Variants in DDX60 observed in about 807,000 individuals in gnomAD.
The protein encoded by DDX60 is probable ATP-dependent RNA helicase DDX60.
In DDX60, 165 loss-of-function variants were observed where a neutral mutation model predicts 212.8. That is an observed-to-expected ratio of 0.78 (90% CI 0.68 to 0.88). DDX60 has a LOEUF of 0.88. Ranked by LOEUF, DDX60 falls within the 40% of genes least tolerant of loss-of-function variation. The pLI is 0.00. For synonymous variants in DDX60, 703 were observed against 685.3 expected, an observed-to-expected ratio of 1.03 and a Z score of -0.40; for missense variants, 1,905 against 2,003.9, an observed-to-expected ratio of 0.95 and a Z score of 0.94.
intron 25 of DDX60, 134 bp downstream of exon 25, chr4:168,260,731 C>A: frequency 1.2e-6 from 1 of 805,456 alleles, no homozygotes; most frequent in Non-Finnish European, 2.0e-6. Flanking sequence ...TCACCTCCTG[C>A]TCTGTGGCAC....
intron 23 of DDX60, 88 bp from the exon 24 acceptor site, chr4:168,262,216 C>A (rs2149512114): frequency 7.0e-7 from 1 of 1,424,376 alleles, no homozygotes; most frequent in Non-Finnish European, 9.3e-7. Context: ...AACAGCCTTA[C>A]AAGTTTCTTG....
intron 1 of DDX60, among the ~76,000 whole-genome samples, chr4:168,314,207 C>T (rs1242723443): frequency 6.6e-6 from 1 of 152,114 alleles, no homozygotes; most frequent in Non-Finnish European, 1.5e-5. Context: ...TGCCCCAACA[C>T]ATGCACGCCC....
intron 28 of DDX60, among the ~76,000 whole-genome samples, chr4:168,250,683 G>A (rs978292464): frequency 1.8e-4 from 23 of 128,454 alleles, no homozygotes; most frequent in African/African-American, 5.1e-4. Flanking sequence ...CTGCCACCAC[G>A]CCCGGCTAAT....
At chr4:168,272,725 A>G (rs139054617) in intron 18 of DDX60, among the ~76,000 whole-genome samples, 1 of 152,286 alleles carries the variant, frequency 6.6e-6, no homozygotes, top group East Asian at 1.9e-4. Context: ...ATCTATCTTA[A>G]CCACACTCCC....
At position 168,276,016 on chromosome 4, in the gene DDX60, T is replaced by C. The variant is rs1223824638; in HGVS notation, c.2144A>G (p.Gln715Arg). The C allele has an allele frequency of 6.2e-7, 1 of 1,608,870 alleles. No individual in the cohort carries two copies. Among genetic ancestry groups the C allele is most frequent in the South Asian group, 1.1e-5 (1 of 90,276 alleles). Residue 715 changes from glutamine (Q) to arginine (R), a missense_variant and splice_region_variant, in exon 15 of 38, where the codon CAG (glutamine) becomes CGG (arginine). Gln to Arg is a conservative substitution (Grantham distance 43). Coordinates refer to ENST00000393743, the MANE Select transcript of DDX60 (RefSeq NM_017631.6). The part of the protein sequence containing the change: ...DELASSLHPA[Q>R]DAENDVKVKK... ...ATTGAGCTATTCTGATAATATTACCTGGGCTGGATGTAAAGAACTTGCCAA... is the reference window on the plus strand; with the variant it reads ...ATTGAGCTATTCTGATAATATTACCCGGGCTGGATGTAAAGAACTTGCCAA...
At position 168,236,278 on chromosome 4, in the gene DDX60, C is replaced by G; in HGVS notation, c.4507G>C (p.Ala1503Pro). 1 of 1,610,714 alleles carries G rather than the reference C, an allele frequency of 6.2e-7. No individual in the cohort carries two copies. The highest frequency in any genetic ancestry group is 8.5e-7 in the Non-Finnish European group (1 of 1,178,284). ...TTTGATTGATAAAACTCGAAGTGTG[C>G]ATCTTGGAACTTTGGTGGAAAATAT... Reference protein sequence around the residue: ...RRYFPPKFQDAHFEFYQSKVF... With the variant: ...RRYFPPKFQDPHFEFYQSKVF... The change falls in exon 33 of 38, where the codon GCA becomes CCA. Residue 1503 changes from alanine (A) to proline (P), a missense_variant. Transcript: ENST00000393743.
rs570305958 is a variant in DDX60, at chr4:168,226,346, G to A, written c.4534-670C>T. On this transcript the variant is annotated intron_variant, in intron 33 of 37. Transcript: ENST00000393743. ...GGATTAGGACGCAGGGCCTTTGGGAGATGATTAGGTCATGAGGGTGGAGTC... is the reference window on the plus strand; with the variant it reads ...GGATTAGGACGCAGGGCCTTTGGGAAATGATTAGGTCATGAGGGTGGAGTC... 2.0e-5 allele frequency among the ~76,000 whole-genome samples: 3 copies of A among 152,074 alleles called. No individual in the cohort carries two copies. In the East Asian group the frequency reaches 5.8e-4, roughly 30 times the overall value.
intron 10 of DDX60, among the ~76,000 whole-genome samples, chr4:168,286,425 GATAGATAGAT>G (rs1560859661): frequency 1.9e-4 from 8 of 43,222 alleles, no homozygotes; most frequent in African/African-American, 1.7e-3. Flanking sequence ...CACCACACGA[GATAGATAGAT>G]AGATAGATAG....
chr4:168,301,040 A>G (rs1736627800), intron 6 of DDX60, among the ~76,000 whole-genome samples: 1 of 152,192 alleles, frequency 6.6e-6, no homozygotes, highest in Non-Finnish European at 1.5e-5. Flanking sequence ...CTTCAACATT[A>G]TGCAACATAT....
chr4:168,255,058 C>T (rs746934171), intron 26 of DDX60, among the ~76,000 whole-genome samples: 14 of 152,138 alleles, frequency 9.2e-5, no homozygotes, highest in Non-Finnish European at 1.6e-4. Context: ...GAGTGGTGAA[C>T]CTCAAGGCTC....
In DDX60 at chr4:168,246,613, A is replaced by G; in HGVS notation, c.3969T>C (p.Ser1323=). 1 of 1,614,026 alleles carries G rather than the reference A, an allele frequency of 6.2e-7. No homozygotes were observed. The highest frequency in any genetic ancestry group is 8.5e-7 in the Non-Finnish European group (1 of 1,179,946). Residue 1323 remains serine (S), a synonymous_variant, in exon 30 of 38, where the codon TCT becomes TCC. Transcript: ENST00000393743. ...YLDALNYRQM[S]GRAGRRGQDL... ...CTTGACCTCTTCTTCCAGCACGGCC[A>G]GACATCTGAAAAGAGAATAGAATTA...
At chr4:168,325,848 A>G in the DDX60 span, among the ~76,000 whole-genome samples, 2 of 152,360 alleles carry the variant, frequency 1.3e-5, no homozygotes, top group African/African-American at 4.8e-5. Flanking sequence ...TTGGTTCAAC[A>G]GCTGATTTCC....
chr4:168,300,522 G>A (rs1051297590), intron 6 of DDX60, among the ~76,000 whole-genome samples: 1 of 151,236 alleles, frequency 6.6e-6, no homozygotes, highest in Non-Finnish European at 1.5e-5. Context: ...CCTGGGGGAC[G>A]AATTGAGACT....
At chr4:168,307,549 T>A (rs1194298504) in intron 4 of DDX60, among the ~76,000 whole-genome samples, 1 of 151,986 alleles carries the variant, frequency 6.6e-6, no homozygotes, top group East Asian at 1.9e-4. Flanking sequence ...GCTCAAGTAA[T>A]CCTCCCACCT....
chr4:168,272,406 T>C (rs571763335), intron 18 of DDX60, among the ~76,000 whole-genome samples: 2 of 152,358 alleles, frequency 1.3e-5, no homozygotes, highest in African/African-American at 4.8e-5. Flanking sequence ...GGTTTAAAAA[T>C]AGAAATTATT....
intron 35 of DDX60, 130 bp downstream of exon 35, chr4:168,224,113 C>T (rs1312942990): frequency 3.2e-6 from 3 of 945,238 alleles, no homozygotes; most frequent in Non-Finnish European, 4.8e-6. Flanking sequence ...CTGAATATAT[C>T]TGTTGATACA....
Position 168,237,707 on chromosome 4 carries a change from T to G in DDX60, c.4253A>C (p.Gln1418Pro). Residue 1418 changes from glutamine (Q) to proline (P), a missense_variant, in exon 31 of 38, where the codon CAG (glutamine) becomes CCG (proline). Gln to Pro is a moderately conservative substitution (Grantham distance 76). Coordinates refer to ENST00000393743, the MANE Select transcript of DDX60 (RefSeq NM_017631.6). The part of the protein sequence containing the change: ...MLKLYFLFSL[Q>P]FLVKEGYLDQ... ...AATGCATACCTCTTTCACCAGGAAC[T>G]GCAAAGAAAACAGGAAGTAAAGTTT... is the stretch of plus-strand genomic sequence containing the variant. The G allele has an allele frequency of 6.2e-7, 1 of 1,611,344 alleles. No homozygotes were observed.
intron 22 of DDX60, among the ~76,000 whole-genome samples, chr4:168,266,720 G>A (rs186667249): frequency 6.6e-6 from 1 of 152,300 alleles, no homozygotes. Flanking sequence ...TGGTTGTCAA[G>A]CTAAGGAGGT....
chr4:168,297,354 GAAAGAAAGAAAGAAA>G (rs1736424739), intron 6 of DDX60, among the ~76,000 whole-genome samples: 1 of 72,104 alleles, frequency 1.4e-5, no homozygotes, highest in Non-Finnish European at 2.5e-5. Context: ...AAGAAAGAAA[GAAAGAAAGAAAGAAA>G]GAAAGAAAGA....
Sources: gnomAD v4.1 joint callset for allele counts (sites outside exome capture counted in the v4.1 genomes callset) on GRCh38, gnomAD v4.1.1 for gene constraint, MANE v1.5 for transcripts, NCBI Gene and HGNC (gene_info 2026-07-23, HGNC 2026-07-21) for gene names.